Variants in IFI16 observed in about 807,000 individuals in gnomAD.
The protein encoded by IFI16 is gamma-interferon-inducible protein 16.
A neutral mutation model predicts 68.4 loss-of-function variants in IFI16; 49 were observed. That is an observed-to-expected ratio of 0.72 (90% CI 0.57 to 0.91). The LOEUF (loss-of-function observed/expected upper bound fraction) is 0.91. IFI16 is among the 40% of genes least tolerant of loss of function. IFI16 has a pLI of 0.00. For missense variants in IFI16, 878 were observed against 942.9 expected, an observed-to-expected ratio of 0.93 and a Z score of 0.90; for synonymous variants, 307 against 315.0, an observed-to-expected ratio of 0.97 and a Z score of 0.27.
chr1:159,011,772 A>G (rs1250718985), intron 1 of IFI16, among the ~76,000 whole-genome samples: 1 of 152,058 alleles, frequency 6.6e-6, no homozygotes, highest in Non-Finnish European at 1.5e-5. Flanking sequence ...ATTTTTAACA[A>G]TTTTTTTCAC....
At chr1:159,038,870 C>T (rs1467434465) in intron 7 of IFI16, among the ~76,000 whole-genome samples, 1 of 152,110 alleles carries the variant, frequency 6.6e-6, no homozygotes, top group Non-Finnish European at 1.5e-5. Flanking sequence ...CCAACAGAAT[C>T]CCGCCCCTGG....
chr1:159,026,634 C>T (rs1468454819), intron 6 of IFI16, among the ~76,000 whole-genome samples: 1 of 152,112 alleles, frequency 6.6e-6, no homozygotes, highest in East Asian at 1.9e-4. Context: ...TTCTACCCAT[C>T]CCCGAGCATA....
rs1653763761 is a variant in IFI16, at chr1:159,027,776, A to G, written c.1162-4748A>G. Among the ~76,000 whole-genome samples the G allele has an allele frequency of 2.6e-5, 4 of 152,120 alleles. No individual in the cohort carries two copies. In the South Asian group the frequency reaches 8.3e-4, roughly 32 times the overall value. Reference sequence around the variant, plus strand: ...TAACCCAGGAGGGTTGTATATTTTCAGGTTTTCTACTTTATGCACATAAAG... The same window carrying G: ...TAACCCAGGAGGGTTGTATATTTTCGGGTTTTCTACTTTATGCACATAAAG... On this transcript the variant is annotated intron_variant, in intron 6 of 11. Coordinates refer to ENST00000295809, the MANE Select transcript of IFI16 (RefSeq NM_001376587.1).
At chr1:159,050,199 A>G (rs1171595068) in intron 9 of IFI16, among the ~76,000 whole-genome samples, 1 of 152,198 alleles carries the variant, frequency 6.6e-6, no homozygotes, top group African/African-American at 2.4e-5. Flanking sequence ...CATACAATAT[A>G]GATTTAAATT....
Position 159,020,455 on chromosome 1 carries a change from C to T in IFI16, c.1087C>T (p.Gln363Ter), listed in dbSNP as rs1215659487. Reference protein sequence around the residue: ...NIPCEEGDKLQLFCFRLRKKN... With the variant: ...NIPCEEGDKL The stretch of plus-strand genomic sequence containing the variant: ...CCCCTGTGAAGAAGGAGATAAGCTC[C>T]AACTTTTCTGCTTTCGACTTAGAAA... The change falls in exon 6 of 12, where the codon CAA (glutamine) becomes TAA (stop). Residue 363 changes from glutamine to a stop codon, truncating the protein, a stop_gained. Coordinates refer to ENST00000295809, the MANE Select transcript of IFI16 (RefSeq NM_001376587.1). LOFTEE classifies it high-confidence loss of function. 5.6e-6 allele frequency: 9 copies of T among 1,613,044 alleles called. No individual in the cohort carries two copies. Among genetic ancestry groups the T allele is most frequent in the Non-Finnish European group, 7.6e-6 (9 of 1,179,306 alleles).
intron 1 of IFI16, among the ~76,000 whole-genome samples, chr1:159,014,230 A>G (rs552145293): frequency 6.6e-6 from 1 of 152,284 alleles, no homozygotes; most frequent in South Asian, 2.1e-4. Context: ...TTATTCATAT[A>G]AGGTGGGAGG....
chr1:159,021,961 T>C (rs1557867704), intron 6 of IFI16, among the ~76,000 whole-genome samples: 18 of 70,836 alleles, frequency 2.5e-4, no homozygotes, highest in African/African-American at 1.9e-3. Context: ...TTTTTTTTTT[T>C]TTTTTTTTTT....
intron 7 of IFI16, among the ~76,000 whole-genome samples, chr1:159,035,878 T>C (rs1195805656): frequency 6.6e-6 from 1 of 152,196 alleles, no homozygotes; most frequent in Non-Finnish European, 1.5e-5. Context: ...TAAAATATTA[T>C]TCAACCAAAG....
intron 2 of IFI16, 160 bp from the exon 3 acceptor site, chr1:159,015,712 G>A: frequency 1.7e-6 from 1 of 598,868 alleles, no homozygotes. Context: ...TCTCCTTAAG[G>A]CCAGGCTGGG....
chr1:159,026,194 AT>A (rs71084298), intron 6 of IFI16, among the ~76,000 whole-genome samples: 1 of 148,010 alleles, frequency 6.8e-6, no homozygotes. Context: ...GAATTTTAGG[AT>A]TTTTTTTTCT....
chr1:159,016,690 CTT>C lies in IFI16; in HGVS notation c.540_541del (p.Ser181AsnfsTer2). On this transcript the variant is annotated frameshift_variant, in exon 4 of 12. Transcript: ENST00000295809. LOFTEE classifies it high-confidence loss of function. ...TCATTGTCAGCTCCACCCAACAGTT[CTT>C]CAACTGAGGTACACTCTTCCTGGTC... 6.2e-7 allele frequency: 1 copy of C among 1,613,296 alleles called. No individual in the cohort carries two copies. Among genetic ancestry groups the C allele is most frequent in the South Asian group, 1.1e-5 (1 of 90,892 alleles).
At position 159,050,032 on chromosome 1, in the gene IFI16, CTCTA is replaced by C. The variant is rs745881903; in HGVS notation, c.1665+438_1665+441del. ...AAAATAACTTTTAACTGTCAGAAAT[CTCTA>C]TCTAATGCCACATTTCAGTACATGG... On this transcript the variant is annotated intron_variant, in intron 9 of 11. Coordinates refer to ENST00000295809, the MANE Select transcript of IFI16 (RefSeq NM_001376587.1). 7.9e-5 allele frequency among the ~76,000 whole-genome samples: 12 copies of C among 152,298 alleles called. No individual in the cohort carries two copies. The East Asian group carries it at 1.9e-3, about 24-fold the overall frequency.
chr1:159,005,580 T>C (rs776515765), upstream of IFI16, among the ~76,000 whole-genome samples: 1 of 152,162 alleles, frequency 6.6e-6, no homozygotes, highest in Non-Finnish European at 1.5e-5. Context: ...GGCATTAGCT[T>C]TGAGCAACAG....
At chr1:159,041,835 AT>A (rs1654664275) in intron 7 of IFI16, among the ~76,000 whole-genome samples, 12 of 152,302 alleles carry the variant, frequency 7.9e-5, no homozygotes, top group East Asian at 7.7e-4. Context: ...TTTTGAAAAA[AT>A]CATATATGGA....
At chr1:159,039,782 C>A (rs539745799) in intron 7 of IFI16, among the ~76,000 whole-genome samples, 1 of 152,222 alleles carries the variant, frequency 6.6e-6, no homozygotes, top group South Asian at 2.1e-4. Flanking sequence ...CTGCAAACTT[C>A]TGGCTTCAGA....
chr1:159,031,058 T>C (rs1296741620), intron 6 of IFI16, among the ~76,000 whole-genome samples: 1 of 151,964 alleles, frequency 6.6e-6, no homozygotes, highest in Non-Finnish European at 1.5e-5. Flanking sequence ...GGAGGTATAT[T>C]CCCAAGGGAA....
chr1:159,013,613 C>T (rs7547497), intron 1 of IFI16, among the ~76,000 whole-genome samples: 66 of 152,252 alleles, frequency 4.3e-4, no homozygotes, highest in African/African-American at 1.5e-3. Context: ...AGGTCAAGAG[C>T]AGTGACACTC....
chr1:159,015,858 T>G lies in IFI16; in HGVS notation c.266-14T>G. Reference sequence around the variant, plus strand: ...TTTCTGCATTGGTTGGGAATAAAATTGAATCTATTCCAGTAAAAGGACCAG... The same window carrying G: ...TTTCTGCATTGGTTGGGAATAAAATGGAATCTATTCCAGTAAAAGGACCAG... On this transcript the variant is annotated splice_polypyrimidine_tract_variant and intron_variant, in intron 2 of 11. Transcript: ENST00000295809. The G allele has an allele frequency of 6.4e-7, 1 of 1,561,840 alleles. No individual in the cohort carries two copies. The highest frequency in any genetic ancestry group is 8.8e-7 in the Non-Finnish European group (1 of 1,134,000).
chr1:159,015,025 C>A, intron 2 of IFI16, 80 bp downstream of exon 2: 1 of 1,318,948 alleles, frequency 7.6e-7, no homozygotes, highest in Non-Finnish European at 1.0e-6. Context: ...CCACCTCGGA[C>A]ATACTTGAGA....
Sources: gnomAD v4.1 joint callset for allele counts (sites outside exome capture counted in the v4.1 genomes callset) on GRCh38, gnomAD v4.1.1 for gene constraint, MANE v1.5 for transcripts, NCBI Gene and HGNC (gene_info 2026-07-23, HGNC 2026-07-21) for gene names.